DCC: variants seen among roughly 807,000 people sequenced by gnomAD.
The protein encoded by DCC is DCC netrin 1 receptor, also known as netrin receptor DCC.
Under a neutral mutation model 172.5 loss-of-function variants are expected in DCC, and 58 were observed. The ratio of observed to expected loss-of-function variants is 0.34; its 90% CI spans 0.27 to 0.42. DCC has a LOEUF of 0.42. Ranked by LOEUF, DCC falls within the 10% of genes least tolerant of loss-of-function variation. The pLI is 1.00. For synonymous variants in DCC, 709 were observed against 644.5 expected, an observed-to-expected ratio of 1.10 and a Z score of -1.52; for missense variants, 1,740 against 1,791.0, an observed-to-expected ratio of 0.97 and a Z score of 0.51.
intron 15 of DCC, among the ~76,000 whole-genome samples, chr18:53,348,549 C>T (rs531084331): frequency 6.6e-6 from 1 of 152,316 alleles, no homozygotes; most frequent in African/African-American, 2.4e-5. Context: ...GATAGCTCCA[C>T]TAGGCAGTGC....
intron 1 of DCC, among the ~76,000 whole-genome samples, chr18:52,719,114 C>A (rs971543153): frequency 1.6e-4 from 25 of 152,078 alleles, no homozygotes; most frequent in Admixed American, 8.5e-4. Flanking sequence ...GGCCTTCTTC[C>A]CTGCATGTCT....
At chr18:52,850,602 T>C (rs2038959787) in intron 2 of DCC, among the ~76,000 whole-genome samples, 1 of 150,730 alleles carries the variant, frequency 6.6e-6, no homozygotes, top group Non-Finnish European at 1.5e-5. Context: ...AGACAAAGAT[T>C]AATGCCTCCT....
chr18:53,165,036 G>A (rs894894940), intron 8 of DCC, among the ~76,000 whole-genome samples: 2 of 152,150 alleles, frequency 1.3e-5, no homozygotes, highest in Non-Finnish European at 2.9e-5. Context: ...TTCTGAAAAA[G>A]CTCCATATAA....
At chr18:52,376,848 G>A (rs929504218) in intron 1 of DCC, among the ~76,000 whole-genome samples, 17 of 152,132 alleles carry the variant, frequency 1.1e-4, no homozygotes, top group South Asian at 2.1e-4. Context: ...ATTCAAAGAC[G>A]CAAATGTGTA....
chr18:52,532,616 TG>T, intron 1 of DCC, among the ~76,000 whole-genome samples: 1 of 152,228 alleles, frequency 6.6e-6, no homozygotes, highest in African/African-American at 2.4e-5. Context: ...GATATGGGTG[TG>T]GGAAACCCTT....
At chr18:53,260,145 C>T (rs539895753) in intron 12 of DCC, among the ~76,000 whole-genome samples, 35 of 152,086 alleles carry the variant, frequency 2.3e-4, no homozygotes, top group African/African-American at 6.5e-4. Flanking sequence ...GCCATGGGTT[C>T]GAACTTCCTC....
Position 53,532,639 on chromosome 18 carries a change from A to G in DCC, c.*1986A>G, listed in dbSNP as rs1356013728. The G allele has an allele frequency of 6.6e-6, 1 of 152,150 alleles. No homozygotes were observed. Among genetic ancestry groups the G allele is most frequent in the Non-Finnish European group, 1.5e-5 (1 of 68,018 alleles). 9.4% of individuals were successfully genotyped at this position (152,150 alleles called of 1,614,324 possible). A position where few individuals can be genotyped will look rare whatever the true frequency, so the allele number is the denominator to read the frequency against. On this transcript the variant is annotated 3_prime_UTR_variant, in exon 29 of 29. Coordinates refer to ENST00000442544, the MANE Select transcript of DCC (RefSeq NM_005215.4). ...AGAAAATATTCATTGGGCTAGCCCA[A>G]CCTTCTCTAGGCCCTAAGAATTATT...
chr18:53,476,836 T>C (rs1429064325), intron 25 of DCC, among the ~76,000 whole-genome samples: 10 of 152,198 alleles, frequency 6.6e-5, no homozygotes, highest in Non-Finnish European at 1.5e-5. Context: ...GTATTTAGCA[T>C]ATTCTCAATT....
rs116875418 is a variant in DCC, at chr18:52,460,117, T to C, written c.91+119239T>C. Reference sequence around the variant, plus strand: ...GGTAATAAAATCAAAATCACACTCCTTTGTTCTCACTTCCTGCTTTAGATA... The same window carrying C: ...GGTAATAAAATCAAAATCACACTCCCTTGTTCTCACTTCCTGCTTTAGATA... On this transcript the variant is annotated intron_variant, in intron 1 of 28. Coordinates refer to ENST00000442544, the MANE Select transcript of DCC (RefSeq NM_005215.4). Among the ~76,000 whole-genome samples, 1,333 of 152,248 alleles carry C rather than the reference T, an allele frequency of 8.8e-3. 2 individuals carry two copies. Among genetic ancestry groups the C allele is most frequent in the Middle Eastern group, 0.02 (6 of 294 alleles).
chr18:52,476,459 G>A (rs575402828), intron 1 of DCC, among the ~76,000 whole-genome samples: 12 of 152,130 alleles, frequency 7.9e-5, no homozygotes, highest in African/African-American at 2.2e-4. Flanking sequence ...TTAATGTTGC[G>A]CAGATTATGG....
chr18:53,478,069 A>T (rs559943278), intron 25 of DCC, among the ~76,000 whole-genome samples: 7 of 152,330 alleles, frequency 4.6e-5, no homozygotes, highest in Non-Finnish European at 5.9e-5. Flanking sequence ...AGTGAGGGTG[A>T]AGGATACAGA....
chr18:52,472,423 A>C, intron 1 of DCC, among the ~76,000 whole-genome samples: 1 of 152,134 alleles, frequency 6.6e-6, no homozygotes, highest in East Asian at 1.9e-4. Context: ...CTGATGGAGG[A>C]ATATGCAGTG....
At chr18:53,042,626 A>C (rs953249473) in intron 5 of DCC, among the ~76,000 whole-genome samples, 2 of 151,906 alleles carry the variant, frequency 1.3e-5, no homozygotes, top group Non-Finnish European at 1.5e-5. Context: ...AGAAAAAAAA[A>C]CCCTCTCAAA....
At chr18:52,689,574 G>T (rs549120275) in intron 1 of DCC, among the ~76,000 whole-genome samples, 3 of 152,094 alleles carry the variant, frequency 2.0e-5, no homozygotes, top group African/African-American at 4.8e-5. Flanking sequence ...GTCTTCAAGC[G>T]CAGTGCCTAG....
At chr18:53,320,298 T>C (rs1206272991) in intron 13 of DCC, among the ~76,000 whole-genome samples, 1 of 152,098 alleles carries the variant, frequency 6.6e-6, no homozygotes, top group Non-Finnish European at 1.5e-5. Flanking sequence ...GGTCTCGATC[T>C]CCTGACTTTG....
At chr18:53,036,117 G>C (rs1224444355) in intron 5 of DCC, among the ~76,000 whole-genome samples, 1 of 151,796 alleles carries the variant, frequency 6.6e-6, no homozygotes, top group Non-Finnish European at 1.5e-5. Flanking sequence ...ATATTATAGT[G>C]CCTGATTCAT....
At chr18:53,109,755 G>C (rs1250675495) in intron 7 of DCC, among the ~76,000 whole-genome samples, 1 of 151,594 alleles carries the variant, frequency 6.6e-6, no homozygotes, top group Non-Finnish European at 1.5e-5. Context: ...GTAGAGGCCA[G>C]AGATGCCTTT....
intron 14 of DCC, among the ~76,000 whole-genome samples, chr18:53,335,289 T>A (rs2057578934): frequency 6.6e-6 from 1 of 152,182 alleles, no homozygotes; most frequent in Admixed American, 6.6e-5. Context: ...TATTGTCCCA[T>A]CAGCATAGCA....
intron 1 of DCC, among the ~76,000 whole-genome samples, chr18:52,562,322 TTAAGG>T (rs2033058469): frequency 6.6e-6 from 1 of 152,186 alleles, no homozygotes; most frequent in African/African-American, 2.4e-5. Flanking sequence ...CGGTCTCTTG[TTAAGG>T]TAACAGACAT....
Sources: gnomAD v4.1 joint callset for allele counts (sites outside exome capture counted in the v4.1 genomes callset) on GRCh38, gnomAD v4.1.1 for gene constraint, MANE v1.5 for transcripts, NCBI Gene and HGNC (gene_info 2026-07-23, HGNC 2026-07-21) for gene names.